The following TICRR variants were observed in gnomAD, a reference collection of about 807,000 sequenced individuals.
TICRR encodes the protein treslin.
A neutral mutation model predicts 178.1 loss-of-function variants in TICRR; 132 were observed. The ratio of observed to expected loss-of-function variants is 0.74; its 90% CI spans 0.64 to 0.86. TICRR has a LOEUF of 0.86. Among genes scored for constraint, TICRR ranks in the 40% least tolerant of loss-of-function variants. The pLI is 0.00. For missense variants in TICRR, 2,587 were observed against 2,334.3 expected (o/e 1.11, Z -2.23); for synonymous variants, 991 against 900.7 (o/e 1.10, Z -1.79).
chr15:89,599,675 G>T (rs1963060903), intron 8 of TICRR, among the ~76,000 whole-genome samples, 200 bp downstream of exon 8: 1 of 152,166 alleles, frequency 6.6e-6, no homozygotes, highest in Admixed American at 6.5e-5. Context: ...TCAAAGAGAT[G>T]GGGTGAGCGG....
chr15:89,602,966 T>C, intron 13 of TICRR, 74 bp downstream of exon 13: 1 of 694,110 alleles, frequency 1.4e-6, no homozygotes, highest in Non-Finnish European at 2.2e-6. Flanking sequence ...TTTAGGAAAA[T>C]GAACTTTGGA....
intron 18 of TICRR, 104 bp from the exon 19 acceptor site, chr15:89,621,289 G>A: frequency 8.2e-7 from 1 of 1,212,136 alleles, no homozygotes; most frequent in Non-Finnish European, 1.1e-6. Context: ...CCAAAGTGCT[G>A]GGATTACAGG....
At chr15:89,591,789 A>G (rs951779881) in intron 4 of TICRR, 6 of 314,138 alleles carry the variant, frequency 1.9e-5, no homozygotes, top group African/African-American at 1.1e-4. Context: ...TTAGAGGAAC[A>G]TTTCAGAAAT....
intron 14 of TICRR, 39 bp downstream of exon 14, chr15:89,606,864 A>T: frequency 6.4e-7 from 1 of 1,557,708 alleles, no homozygotes; most frequent in Non-Finnish European, 8.8e-7. Flanking sequence ...ATTCACTAGC[A>T]TGACAACTTT....
At chr15:89,583,181 A>C (rs1379718743) in intron 2 of TICRR, among the ~76,000 whole-genome samples, 1 of 152,206 alleles carries the variant, frequency 6.6e-6, no homozygotes, top group Non-Finnish European at 1.5e-5. Flanking sequence ...TGTACAAAAA[A>C]ACAAGTGAAT....
rs372646397 is a variant in TICRR, at chr15:89,582,919, G to A, written c.888G>A (p.Glu296=). The A allele has an allele frequency of 2.5e-6, 4 of 1,613,896 alleles. No individual in the cohort carries two copies. Among genetic ancestry groups the A allele is most frequent in the Non-Finnish European group, 3.4e-6 (4 of 1,179,982 alleles). The part of the protein sequence containing the change: ...NRLLYNSPEY[E]ASFPRMEGML... Reference sequence around the variant, plus strand: ...TGCTCTACAATTCTCCTGAGTATGAGGCCTCGTTTCCACGAATGGAAGGAA... The same window carrying A: ...TGCTCTACAATTCTCCTGAGTATGAAGCCTCGTTTCCACGAATGGAAGGAA... Residue 296 remains glutamate (E), a synonymous_variant, in exon 2 of 22, where the codon GAG becomes GAA. Transcript: ENST00000268138.
Position 89,625,492 on chromosome 15 carries a change from A to G in TICRR, c.5182A>G (p.Ser1728Gly), listed in dbSNP as rs1185310675. Residue 1728 changes from serine (S) to glycine (G), a missense_variant, in exon 20 of 22, where the codon AGC (serine) becomes GGC (glycine). Transcript: ENST00000268138. ...GGGCAAGGACCACGGCCTTGAACTC[A>G]GCATCCACAGGACGCCCATCTTGGA... ...SEGKDHGLEL[S>G]IHRTPILEDF... 1.1e-5 allele frequency: 17 copies of G among 1,613,984 alleles called. No individual in the cohort carries two copies. The highest frequency in any genetic ancestry group is 1.4e-5 in the Non-Finnish European group (17 of 1,180,020).
rs201748816 is a variant in TICRR, at chr15:89,585,739, C to T, written c.1208C>T (p.Pro403Leu). Residue 403 changes from proline to leucine, a missense_variant, in exon 4 of 22, where the codon CCC (proline) becomes CTC (leucine). Coordinates refer to ENST00000268138, the MANE Select transcript of TICRR (RefSeq NM_152259.4). The part of the protein sequence containing the change: ...VADVDPGEGR[P>L]PITGVISPLS... ...GATGTGGACCCTGGTGAAGGCCGGC[C>T]CCCCATCACTGGAGTTATTTCCCCA... The T allele has an allele frequency of 4.3e-6, 7 of 1,614,044 alleles. No individual in the cohort carries two copies. In the East Asian group the frequency reaches 1.3e-4, roughly 31 times the overall value.
Position 89,624,618 on chromosome 15 carries a change from A to C in TICRR, c.4308A>C (p.Glu1436Asp), listed in dbSNP as rs1292195040. Residue 1436 changes from glutamate to aspartate, a missense_variant, in exon 20 of 22, where the codon GAA (glutamate) becomes GAC (aspartate). By Grantham distance (45) the Glu-to-Asp change is conservative. Transcript: ENST00000268138. Reference sequence around the variant, plus strand: ...GCCTCTCTCCTCAGTCTCCTCCTGAAAGACGGGGCTACCCAGGCCCTGGTC... The same window carrying C: ...GCCTCTCTCCTCAGTCTCCTCCTGACAGACGGGGCTACCCAGGCCCTGGTC... Reference protein sequence around the residue: ...GLSLSPQSPPERRGYPGPGLR... With the variant: ...GLSLSPQSPPDRRGYPGPGLR... 4 of 1,613,860 alleles carry C rather than the reference A, an allele frequency of 2.5e-6. No homozygotes were observed. The highest frequency in any genetic ancestry group is 3.4e-6 in the Non-Finnish European group (4 of 1,180,014).
chr15:89,580,643 G>A (rs183267298), intron 1 of TICRR, among the ~76,000 whole-genome samples: 2 of 152,282 alleles, frequency 1.3e-5, no homozygotes, highest in Admixed American at 1.3e-4. Flanking sequence ...TTCATTACAT[G>A]GGATCTTTTT....
intron 6 of TICRR, 41 bp from the exon 7 acceptor site, chr15:89,595,352 G>C: frequency 6.9e-7 from 1 of 1,450,880 alleles, no homozygotes; most frequent in Non-Finnish European, 9.7e-7. Flanking sequence ...CACAGAAGTG[G>C]AAGGCAATTT....
At chr15:89,617,851 C>G (rs570618997) in intron 16 of TICRR, among the ~76,000 whole-genome samples, 1 of 152,084 alleles carries the variant, frequency 6.6e-6, no homozygotes, top group Non-Finnish European at 1.5e-5. Context: ...GCCACCACGC[C>G]CAGCTAATTT....
At chr15:89,594,629 G>A (rs1342160920) in intron 6 of TICRR, 75 bp downstream of exon 6, 142 of 1,329,346 alleles carry the variant, frequency 1.1e-4, no homozygotes, top group Non-Finnish European at 1.4e-4. Flanking sequence ...GGCATTTCCT[G>A]AAATGAGGTT....
At position 89,585,875 on chromosome 15, in the gene TICRR, T is replaced by C; in HGVS notation, c.1344T>C (p.Leu448=). The part of the protein sequence containing the change: ...VADSPRDTAS[L]FSDVVDSILN... ...ACAGCCCCCGGGACACAGCTTCCCT[T>C]TTCTCAGATGTTGTGGATAGTATAT... Residue 448 remains leucine (L), a synonymous_variant, in exon 4 of 22, where the codon CTT becomes CTC. Transcript: ENST00000268138. 1 of 1,614,188 alleles carries C rather than the reference T, an allele frequency of 6.2e-7. No individual in the cohort carries two copies. The highest frequency in any genetic ancestry group is 1.3e-5 in the African/African-American group (1 of 75,034).
chr15:89,625,026 A>G lies in TICRR; in HGVS notation c.4716A>G (p.Lys1572=). ...AGATGCAAGCTTCTGGCCTTCCCAA[A>G]CTTCGAATTAAGAAGATAGACCCCA... ...ELEMQASGLP[K]LRIKKIDPSS... Residue 1572 remains lysine, a synonymous_variant, in exon 20 of 22, where the codon AAA becomes AAG. Transcript: ENST00000268138. The G allele has an allele frequency of 6.2e-7, 1 of 1,614,010 alleles. No individual in the cohort carries two copies. Among genetic ancestry groups the G allele is most frequent in the African/African-American group, 1.3e-5 (1 of 75,024 alleles).
chr15:89,622,238 A>G (rs1193358099), intron 19 of TICRR, among the ~76,000 whole-genome samples: 6 of 152,010 alleles, frequency 3.9e-5, no homozygotes, highest in Admixed American at 6.5e-5. Flanking sequence ...CACCTGCCTC[A>G]GCCTTCCAAA....
chr15:89,623,480 C>A (rs941882917), intron 19 of TICRR, 143 bp from the exon 20 acceptor site: 39 of 856,646 alleles, frequency 4.6e-5, no homozygotes, highest in Non-Finnish European at 6.7e-5. Context: ...GAGAGGGAAA[C>A]GGGTCACTAT....
intron 5 of TICRR, among the ~76,000 whole-genome samples, chr15:89,593,062 C>T (rs958603307): frequency 1.3e-5 from 2 of 152,172 alleles, no homozygotes; most frequent in Non-Finnish European, 2.9e-5. Context: ...GTCCTCTAAA[C>T]TTTGGTTTCG....
In TICRR at chr15:89,624,076, G is replaced by A. The variant is rs1963469331; in HGVS notation, c.3766G>A (p.Ala1256Thr). ...DPLRTPPRAA[A>T]FMGTPQNQTH... ...TCTCAGAACACCTCCGAGAGCAGCAGCCTTCATGGGCACGCCTCAGAATCA... is the reference window on the plus strand; with the variant it reads ...TCTCAGAACACCTCCGAGAGCAGCAACCTTCATGGGCACGCCTCAGAATCA... Residue 1256 changes from alanine to threonine, a missense_variant, in exon 20 of 22, where the codon GCC (alanine) becomes ACC (threonine). Physicochemically the swap from Ala to Thr is moderately conservative, Grantham distance 58. Coordinates refer to ENST00000268138, the MANE Select transcript of TICRR (RefSeq NM_152259.4). 6.2e-7 allele frequency: 1 copy of A among 1,613,840 alleles called. No individual in the cohort carries two copies.
Sources: gnomAD v4.1 joint callset for allele counts (sites outside exome capture counted in the v4.1 genomes callset) on GRCh38, gnomAD v4.1.1 for gene constraint, MANE v1.5 for transcripts, NCBI Gene and HGNC (gene_info 2026-07-23, HGNC 2026-07-21) for gene names.